The following SYN3 variants were observed in gnomAD, a reference collection of about 807,000 sequenced individuals.
SYN3 encodes synapsin III.
In SYN3, 35 loss-of-function variants were observed where a neutral mutation model predicts 65.8. That is an observed-to-expected ratio of 0.53 (90% CI 0.41 to 0.70). The LOEUF is 0.70. Among genes scored for constraint, SYN3 ranks in the 30% least tolerant of loss-of-function variants. The pLI is 0.00. For synonymous variants in SYN3, 270 were observed against 292.9 expected (o/e 0.92, Z 0.80); for missense variants, 680 against 749.0 (o/e 0.91, Z 1.08).
intron 6 of SYN3, among the ~76,000 whole-genome samples, chr22:32,765,715 G>A (rs558571297): frequency 3.2e-4 from 48 of 152,290 alleles, no homozygotes; most frequent in African/African-American, 9.4e-4. Flanking sequence ...AGAAGGGGAG[G>A]AGGAAGGCTG....
chr22:32,693,592 G>GTTTTTTTTTTTTT lies in SYN3; in HGVS notation c.712-96869_712-96857dup, dbSNP rs1189710191. ...ATATAATATTATTTTTCTGTAGCTT[G>GTTTTTTTTTTTTT]TTTTTTTTTTTTTTTTTTTTTTTGA... On this transcript the variant is annotated intron_variant, in intron 6 of 13. Coordinates refer to ENST00000358763, the MANE Select transcript of SYN3 (RefSeq NM_003490.4). 4.4e-4 allele frequency among the ~76,000 whole-genome samples: 40 copies of GTTTTTTTTTTTTT among 90,500 alleles called. 3 individuals carry two copies. Among genetic ancestry groups the GTTTTTTTTTTTTT allele is most frequent in the African/African-American group, 1.7e-3 (32 of 19,066 alleles). The allele number at this position is 90,500 out of a possible 152,430, so 59.4% of individuals were successfully genotyped here.
intron 3 of SYN3, among the ~76,000 whole-genome samples, chr22:32,937,350 A>C (rs1423519675): frequency 1.3e-5 from 2 of 152,238 alleles, no homozygotes; most frequent in Admixed American, 6.5e-5. Context: ...TTAACAACAG[A>C]TTAGACACTT....
intron 3 of SYN3, among the ~76,000 whole-genome samples, chr22:32,970,140 G>T (rs557137375): frequency 6.6e-6 from 1 of 152,218 alleles, no homozygotes; most frequent in South Asian, 2.1e-4. Flanking sequence ...TATATGCTAG[G>T]CTCTGCTTCA....
At chr22:32,700,470 A>G (rs1240333535) in intron 6 of SYN3, among the ~76,000 whole-genome samples, 1 of 152,192 alleles carries the variant, frequency 6.6e-6, no homozygotes, top group Non-Finnish European at 1.5e-5. Flanking sequence ...GTCTGCCTGG[A>G]CTAGAAAAAC....
At chr22:32,745,063 G>A (rs920206369) in intron 6 of SYN3, among the ~76,000 whole-genome samples, 2 of 139,562 alleles carry the variant, frequency 1.4e-5, no homozygotes, top group African/African-American at 3.4e-5. Context: ...CTCTTCTGAC[G>A]GGTTAGGAAT....
chr22:32,717,848 C>T (rs1001724744), intron 6 of SYN3, among the ~76,000 whole-genome samples: 1 of 152,186 alleles, frequency 6.6e-6, no homozygotes, highest in Non-Finnish European at 1.5e-5. Flanking sequence ...GCTTTGGTCT[C>T]AGTTTCTGCA....
intron 6 of SYN3, among the ~76,000 whole-genome samples, chr22:32,611,972 A>T (rs1013164669): frequency 1.3e-5 from 2 of 152,104 alleles, no homozygotes; most frequent in Non-Finnish European, 2.9e-5. Context: ...CTTCATGCCT[A>T]TGTGATGAGG....
At chr22:32,901,885 C>T (rs1288477827) in intron 4 of SYN3, among the ~76,000 whole-genome samples, 1 of 152,254 alleles carries the variant, frequency 6.6e-6, no homozygotes, top group East Asian at 1.9e-4. Context: ...CTGGGCCAGC[C>T]TTGCTGGCTG....
intron 6 of SYN3, among the ~76,000 whole-genome samples, chr22:32,652,352 T>C (rs5754189): frequency 0.3 from 45,572 of 150,770 alleles, 9,854 homozygotes; most frequent in East Asian, 0.73. Context: ...TAAGGGCATC[T>C]TTCCCACACC....
chr22:32,963,680 T>G (rs1355962741), intron 3 of SYN3, among the ~76,000 whole-genome samples: 1 of 152,088 alleles, frequency 6.6e-6, no homozygotes, highest in African/African-American at 2.4e-5. Context: ...TGGGGACCAC[T>G]AAGCAGAGAG....
intron 1 of SYN3, among the ~76,000 whole-genome samples, chr22:33,011,159 A>T (rs1432650806): frequency 6.6e-6 from 1 of 152,142 alleles, no homozygotes; most frequent in Non-Finnish European, 1.5e-5. Flanking sequence ...TCCGAATCTT[A>T]GGGGGGAAAC....
chr22:32,643,430 C>T lies in SYN3; in HGVS notation c.712-46694G>A, dbSNP rs112495759. On this transcript the variant is annotated intron_variant, in intron 6 of 13. Transcript: ENST00000358763. The stretch of plus-strand genomic sequence containing the variant: ...GAAGGATGTTTATCTTCACACTTTG[C>T]GTTGCCACCTAATCTCGCCCCACAG... Among the ~76,000 whole-genome samples the T allele has an allele frequency of 4.2e-3, 636 of 151,800 alleles. 4 individuals are homozygous for T. Among genetic ancestry groups the T allele is most frequent in the African/African-American group, 0.014 (575 of 41,358 alleles).
At position 32,849,545 on chromosome 22, in the gene SYN3, T is replaced by C. The variant is rs1485498306; in HGVS notation, c.711+15370A>G. ...ATCAAGCAGATGAAGGTAGGTAATGTCATCACCCTGGCTCCGGGAAGGTTT... is the reference window on the plus strand; with the variant it reads ...ATCAAGCAGATGAAGGTAGGTAATGCCATCACCCTGGCTCCGGGAAGGTTT... On this transcript the variant is annotated intron_variant, in intron 6 of 13. Transcript: ENST00000358763. 1.9e-6 allele frequency: 3 copies of C among 1,611,992 alleles called. No individual in the cohort carries two copies. In the African/African-American group the frequency reaches 4.0e-5, roughly 22 times the overall value.
At chr22:32,909,078 C>A (rs1210111191) in intron 4 of SYN3, among the ~76,000 whole-genome samples, 1 of 152,134 alleles carries the variant, frequency 6.6e-6, no homozygotes, top group Non-Finnish European at 1.5e-5. Flanking sequence ...TTTACGAAGC[C>A]CCTTCCCTGG....
At chr22:32,937,683 C>G (rs2146733106) in intron 3 of SYN3, among the ~76,000 whole-genome samples, 1 of 152,236 alleles carries the variant, frequency 6.6e-6, no homozygotes, top group East Asian at 1.9e-4. Context: ...GCACCTTTTG[C>G]CAGGCCCCAC....
intron 4 of SYN3, among the ~76,000 whole-genome samples, chr22:32,880,312 C>T (rs748170442): frequency 3.3e-5 from 5 of 152,140 alleles, no homozygotes; most frequent in African/African-American, 7.2e-5. Context: ...AAGCCAGTGA[C>T]TCATGGAGGG....
At chr22:32,993,419 G>A (rs887382905) in intron 2 of SYN3, among the ~76,000 whole-genome samples, 2 of 152,156 alleles carry the variant, frequency 1.3e-5, no homozygotes, top group Admixed American at 6.5e-5. Flanking sequence ...GCAGTGGCGC[G>A]ATCTCGGCTC....
At chr22:32,918,965 G>A (rs2050262390) in intron 4 of SYN3, among the ~76,000 whole-genome samples, 1 of 152,220 alleles carries the variant, frequency 6.6e-6, no homozygotes, top group Non-Finnish European at 1.5e-5. Context: ...ATGAAGCCAG[G>A]CCGCCTACCT....
intron 10 of SYN3, among the ~76,000 whole-genome samples, chr22:32,531,897 T>G (rs547197573): frequency 3.0e-4 from 25 of 84,410 alleles, no homozygotes; most frequent in African/African-American, 6.9e-4. Flanking sequence ...CCGAGCCCAC[T>G]ACTTTTACTT....
Sources: allele counts gnomAD v4.1 joint callset (sites outside exome capture counted in the v4.1 genomes callset), GRCh38; gene constraint gnomAD v4.1.1; transcripts MANE v1.5; gene names NCBI Gene and HGNC (gene_info 2026-07-23, HGNC 2026-07-21).